The following MARK3 variants were observed in gnomAD, a reference collection of about 807,000 sequenced individuals.
MARK3 encodes microtubule affinity regulating kinase 3.
In MARK3, 46 loss-of-function variants were observed where a neutral mutation model predicts 90.1. The observed-to-expected ratio is 0.51, with a 90% CI of 0.40 to 0.65. The LOEUF (loss-of-function observed/expected upper bound fraction) is 0.65, where lower values mean the gene tolerates loss of function less well. Ranked by LOEUF, MARK3 falls within the 30% of genes least tolerant of loss-of-function variation. MARK3 has a pLI of 0.00. For missense variants in MARK3, 818 were observed against 947.2 expected (o/e 0.86, Z 1.79); for synonymous variants, 321 against 332.6 (o/e 0.97, Z 0.38).
Position 103,498,485 on chromosome 14 carries a change from T to A in MARK3, c.1845-17T>A. ...ATTTTTGTTAATTTTTTTTTTTTTT[T>A]ACTTAATTTCTTTTAGAAACATGTC... On this transcript the variant is annotated splice_polypyrimidine_tract_variant and intron_variant, in intron 15 of 17. Coordinates refer to ENST00000429436, the MANE Select transcript of MARK3 (RefSeq NM_001128918.3). The A allele has an allele frequency of 2.3e-6, 3 of 1,319,944 alleles. No homozygotes were observed. The highest frequency in any genetic ancestry group is 3.0e-6 in the Non-Finnish European group (3 of 1,011,626). The allele number at this position is 1,319,944 out of a possible 1,614,324, so 81.8% of individuals were successfully genotyped here.
chr14:103,459,518 G>C (rs1308077514), intron 6 of MARK3, among the ~76,000 whole-genome samples: 1 of 151,778 alleles, frequency 6.6e-6, no homozygotes, highest in Non-Finnish European at 1.5e-5. Context: ...TTTCGTTTTT[G>C]AGATGGAGTC....
chr14:103,417,670 G>C (rs986082193), intron 2 of MARK3, among the ~76,000 whole-genome samples: 2 of 152,078 alleles, frequency 1.3e-5, no homozygotes, highest in African/African-American at 4.8e-5. Flanking sequence ...TCCTTAAGCA[G>C]AGACTGGAGT....
chr14:103,463,702 G>T (rs1417588196), intron 7 of MARK3, among the ~76,000 whole-genome samples: 1 of 152,084 alleles, frequency 6.6e-6, no homozygotes, highest in Non-Finnish European at 1.5e-5. Context: ...GTTCTTCTCT[G>T]TTTCTAGTGC....
intron 3 of MARK3, among the ~76,000 whole-genome samples, chr14:103,434,336 T>C (rs1359607237): frequency 6.6e-6 from 1 of 152,164 alleles, no homozygotes; most frequent in African/African-American, 2.4e-5. Flanking sequence ...CCATGTTTAG[T>C]AGGCATCCCA....
At position 103,451,603 on chromosome 14, in the gene MARK3, G is replaced by A. The variant is rs145835648; in HGVS notation, c.347-315G>A. Among the ~76,000 whole-genome samples the A allele has an allele frequency of 7.0e-4, 107 of 152,332 alleles. 1 individual carries two copies. Among genetic ancestry groups the A allele is most frequent in the Admixed American group, 2.9e-3 (45 of 15,304 alleles). ...TCCTGGGGTGCTGGGAGGGCAGCTAGCCAACACAGACATGCTGAAGGACAG... is the reference window on the plus strand; with the variant it reads ...TCCTGGGGTGCTGGGAGGGCAGCTAACCAACACAGACATGCTGAAGGACAG... On this transcript the variant is annotated intron_variant, in intron 4 of 17. Coordinates refer to ENST00000429436, the MANE Select transcript of MARK3 (RefSeq NM_001128918.3).
At chr14:103,449,475 C>T (rs2093078544) in intron 4 of MARK3, among the ~76,000 whole-genome samples, 1 of 150,092 alleles carries the variant, frequency 6.7e-6, no homozygotes, top group Non-Finnish European at 1.5e-5. Flanking sequence ...AAGAATATTT[C>T]AGAGGTCCAA....
chr14:103,410,322 G>T (rs1826757283), intron 2 of MARK3, among the ~76,000 whole-genome samples: 1 of 152,168 alleles, frequency 6.6e-6, no homozygotes, highest in South Asian at 2.1e-4. Flanking sequence ...AAAGAGGGCA[G>T]AGCCCTTGCA....
At chr14:103,405,831 T>G in intron 2 of MARK3, among the ~76,000 whole-genome samples, 1 of 151,428 alleles carries the variant, frequency 6.6e-6, no homozygotes, top group African/African-American at 2.4e-5. Context: ...ACTCCTGACC[T>G]CGTGATCCAC....
At chr14:103,447,933 C>T (rs2093036649) in intron 3 of MARK3, among the ~76,000 whole-genome samples, 1 of 152,100 alleles carries the variant, frequency 6.6e-6, no homozygotes, top group Non-Finnish European at 1.5e-5. Context: ...CTACTGCACC[C>T]AGCTAATTTC....
At chr14:103,400,004 C>G (rs1199138653) in intron 1 of MARK3, among the ~76,000 whole-genome samples, 1 of 151,214 alleles carries the variant, frequency 6.6e-6, no homozygotes, top group African/African-American at 2.4e-5. Context: ...TCTCAGCTCA[C>G]TGCAACTGTC....
intron 1 of MARK3, among the ~76,000 whole-genome samples, chr14:103,400,886 G>A (rs1412149884): frequency 4.1e-5 from 5 of 122,452 alleles, no homozygotes; most frequent in Non-Finnish European, 1.6e-5. Flanking sequence ...GCAACAGAAC[G>A]AGACCCTGTC....
rs1278506120 is a variant in MARK3 at position 103,466,326 on chromosome 14, C to T, written c.898-17C>T. On this transcript the variant is annotated splice_polypyrimidine_tract_variant and intron_variant, in intron 9 of 17. Transcript: ENST00000429436. ...TATTTCATTTTACTCTGCTAATGAACAGTTTACCTTTTTTAGCAAATCATG... is the reference window on the plus strand; with the variant it reads ...TATTTCATTTTACTCTGCTAATGAATAGTTTACCTTTTTTAGCAAATCATG... 6.4e-7 allele frequency: 1 copy of T among 1,551,416 alleles called. No homozygotes were observed. Among genetic ancestry groups the T allele is most frequent in the Admixed American group, 1.8e-5 (1 of 56,926 alleles).
intron 2 of MARK3, among the ~76,000 whole-genome samples, 191 bp downstream of exon 2, chr14:103,405,458 C>T (rs1352545254): frequency 6.6e-6 from 1 of 152,152 alleles, no homozygotes; most frequent in African/African-American, 2.4e-5. Flanking sequence ...TCACACCATT[C>T]TCCTGCCTCA....
chr14:103,496,054 G>T (rs969814795), intron 15 of MARK3, among the ~76,000 whole-genome samples: 2 of 152,154 alleles, frequency 1.3e-5, no homozygotes, highest in African/African-American at 4.8e-5. Flanking sequence ...CTCTCCTTAG[G>T]ATCAGGCCTG....
chr14:103,388,462 T>C (rs1424438889), intron 1 of MARK3, among the ~76,000 whole-genome samples: 1 of 152,200 alleles, frequency 6.6e-6, no homozygotes, highest in African/African-American at 2.4e-5. Context: ...TTCCTGCCAA[T>C]TGAGTGGTGA....
In MARK3 at chr14:103,470,455, ATT is replaced by A. The variant is rs6145477; in HGVS notation, c.1264+2285_1264+2286del. Among the ~76,000 whole-genome samples the A allele has an allele frequency of 7.3e-4, 40 of 55,058 alleles. 3 individuals are homozygous for A. The highest frequency in any genetic ancestry group is 1.7e-3 in the African/African-American group (31 of 17,952). The allele number at this position is 55,058 out of a possible 152,430, so 36.1% of individuals were successfully genotyped here. ...ATTCCAGGATTCAGGAACTAAATCT[ATT>A]TTTTTTTTTTTTTTTGAGATGGAGT... is the stretch of plus-strand genomic sequence containing the variant. On this transcript the variant is annotated intron_variant, in intron 12 of 17. Coordinates refer to ENST00000429436, the MANE Select transcript of MARK3 (RefSeq NM_001128918.3).
chr14:103,467,994 C>T (rs2093547860), intron 11 of MARK3, 39 bp from the exon 12 acceptor site: 1 of 1,599,318 alleles, frequency 6.3e-7, no homozygotes, highest in East Asian at 2.2e-5. Context: ...CATTTGGGTT[C>T]GTGTTGTGGT....
At chr14:103,461,019 C>T (rs966797784) in intron 6 of MARK3, among the ~76,000 whole-genome samples, 1 of 152,180 alleles carries the variant, frequency 6.6e-6, no homozygotes, top group African/African-American at 2.4e-5. Flanking sequence ...GTTATCATCT[C>T]ATCCTAACCC....
intron 3 of MARK3, among the ~76,000 whole-genome samples, chr14:103,442,868 G>A (rs1184959023): frequency 6.6e-6 from 1 of 151,354 alleles, no homozygotes; most frequent in African/African-American, 2.4e-5. Context: ...AATGTAAGGA[G>A]TCAGTAAAGC....
Sources: allele counts gnomAD v4.1 joint callset (sites outside exome capture counted in the v4.1 genomes callset), GRCh38; gene constraint gnomAD v4.1.1; transcripts MANE v1.5; gene names NCBI Gene and HGNC (gene_info 2026-07-23, HGNC 2026-07-21).